The following CFDP1 variants were observed in gnomAD, a reference collection of about 807,000 sequenced individuals.
The protein encoded by CFDP1 is heterochromatin-stabilizing protein CFDP1.
CFDP1 carries 31 observed loss-of-function variants against 40.1 expected under a neutral mutation model. The observed-to-expected ratio is 0.77, with a 90% CI of 0.58 to 1.04. The LOEUF is 1.04. Ranked by LOEUF, CFDP1 falls within the 50% of genes least tolerant of loss-of-function variation. The pLI, the probability that CFDP1 is intolerant of heterozygous loss-of-function variation, is 0.00. For synonymous variants in CFDP1, 167 were observed against 120.0 expected, an observed-to-expected ratio of 1.39 and a Z score of -2.56; for missense variants, 423 against 343.4, an observed-to-expected ratio of 1.23 and a Z score of -1.83.
intron 1 of CFDP1, among the ~76,000 whole-genome samples, chr16:75,415,984 C>G (rs1462037027): frequency 6.6e-6 from 1 of 152,098 alleles, no homozygotes; most frequent in East Asian, 1.9e-4. Context: ...TCCTGAGTAG[C>G]TGACATTACA....
chr16:75,403,258 A>G (rs1363874353), intron 4 of CFDP1, among the ~76,000 whole-genome samples: 1 of 152,138 alleles, frequency 6.6e-6, no homozygotes, highest in East Asian at 1.9e-4. Flanking sequence ...TCACTCTGTC[A>G]CCCAGGCTGG....
intron 5 of CFDP1, among the ~76,000 whole-genome samples, chr16:75,388,379 T>C (rs991063621): frequency 3.3e-5 from 5 of 152,200 alleles, no homozygotes; most frequent in African/African-American, 1.2e-4. Flanking sequence ...GTATTTAATC[T>C]AGAGAACAAA....
chr16:75,415,639 G>A (rs1161760827), intron 1 of CFDP1, among the ~76,000 whole-genome samples: 2 of 152,130 alleles, frequency 1.3e-5, no homozygotes, highest in Non-Finnish European at 2.9e-5. Flanking sequence ...TCTGTGTCTG[G>A]CTTCTTTTAT....
chr16:75,357,222 C>A (rs1049012828), intron 5 of CFDP1, among the ~76,000 whole-genome samples: 3 of 151,642 alleles, frequency 2.0e-5, no homozygotes, highest in Admixed American at 2.0e-4. Context: ...CTGGAAACAG[C>A]TTCTTTCTTT....
chr16:75,378,870 T>C, intron 5 of CFDP1, among the ~76,000 whole-genome samples: 1 of 151,926 alleles, frequency 6.6e-6, no homozygotes, highest in East Asian at 1.9e-4. Context: ...TATCAACAAA[T>C]TTAAAAGAGT....
intron 4 of CFDP1, among the ~76,000 whole-genome samples, chr16:75,407,654 C>CA (rs11456525): frequency 0.5 from 57,756 of 116,428 alleles, 14,500 homozygotes; most frequent in Admixed American, 0.59. Context: ...GACCCTGTCT[C>CA]AAAAAAAAAA....
intron 6 of CFDP1, among the ~76,000 whole-genome samples, chr16:75,297,145 CTTGTGTGTGTGTGTGTGTGTCTGTGTGT>C (rs2078188091): frequency 7.2e-6 from 1 of 139,056 alleles, no homozygotes; most frequent in South Asian, 2.4e-4. Flanking sequence ...CTTCCCATTT[CTTGTGTGTGTGTGTGTGTGTCTGTGTGT>C]GTGTGTGTGT....
At chr16:75,384,231 C>A (rs1471263315) in intron 5 of CFDP1, among the ~76,000 whole-genome samples, 2 of 152,054 alleles carry the variant, frequency 1.3e-5, no homozygotes, top group African/African-American at 4.8e-5. Flanking sequence ...GTGGCACATG[C>A]CTGTAATCCC....
At chr16:75,307,342 A>T (rs914623669) in intron 5 of CFDP1, among the ~76,000 whole-genome samples, 1 of 151,696 alleles carries the variant, frequency 6.6e-6, no homozygotes, top group Admixed American at 6.6e-5. Context: ...CAGCCTCCCA[A>T]GTAGCTGGGA....
chr16:75,381,648 C>T (rs1456493929), intron 5 of CFDP1, among the ~76,000 whole-genome samples: 1 of 152,134 alleles, frequency 6.6e-6, no homozygotes, highest in Non-Finnish European at 1.5e-5. Flanking sequence ...CTTTGGCAAG[C>T]TACTGAATTT....
intron 4 of CFDP1, among the ~76,000 whole-genome samples, chr16:75,411,426 T>C (rs62062568): frequency 0.49 from 75,137 of 151,894 alleles, 20,090 homozygotes; most frequent in Admixed American, 0.63. Context: ...AAGAAAATAA[T>C]ATTGAAACCA....
chr16:75,300,582 T>G (rs2078215257), intron 6 of CFDP1, among the ~76,000 whole-genome samples: 1 of 152,178 alleles, frequency 6.6e-6, no homozygotes, highest in South Asian at 2.1e-4. Flanking sequence ...CCACCATGCC[T>G]GGCCCCAAGT....
At position 75,305,087 on chromosome 16, in the gene CFDP1, TC is replaced by T; in HGVS notation, c.745del (p.Glu249ArgfsTer46). ...STLEKSKLDWESFKEEEGIGE... is the reference protein window; with the variant it reads ...STLEKSKLDWXSFKEEEGIGE... ...AATCCCCTCTTCCTCCTTGAAGCTC[TC>T]CCAGTCCAGTTTGGACTTCTCAAGG... On this transcript the variant is annotated frameshift_variant, in exon 6 of 7. Coordinates refer to ENST00000283882, the MANE Select transcript of CFDP1 (RefSeq NM_006324.3). LOFTEE classifies it high-confidence loss of function. 3 of 1,614,190 alleles carry T rather than the reference TC, an allele frequency of 1.9e-6. No individual in the cohort carries two copies. The highest frequency in any genetic ancestry group is 2.5e-6 in the Non-Finnish European group (3 of 1,180,028).
At chr16:75,362,459 T>G (rs2151532606) in intron 5 of CFDP1, among the ~76,000 whole-genome samples, 1 of 152,382 alleles carries the variant, frequency 6.6e-6, no homozygotes, top group East Asian at 1.9e-4. Flanking sequence ...TCTCAACTTT[T>G]AATTTTACTT....
intron 5 of CFDP1, among the ~76,000 whole-genome samples, chr16:75,319,787 C>T (rs2078349344): frequency 6.6e-6 from 1 of 152,108 alleles, no homozygotes; most frequent in African/African-American, 2.4e-5. Context: ...TTTAAAGAGC[C>T]CTTAGGAAGC....
At chr16:75,301,820 C>G (rs1392501291) in intron 6 of CFDP1, 3 of 152,204 alleles carry the variant, frequency 2.0e-5, no homozygotes, top group Non-Finnish European at 4.4e-5. Flanking sequence ...TGGAAAATGT[C>G]ACCAGAGGAT....
chr16:75,320,997 T>C (rs1015406286), intron 5 of CFDP1, among the ~76,000 whole-genome samples: 3 of 152,162 alleles, frequency 2.0e-5, no homozygotes, highest in Non-Finnish European at 4.4e-5. Flanking sequence ...TTTTAAGAGA[T>C]GGGATCTTGC....
chr16:75,414,607 T>C lies in CFDP1; in HGVS notation c.153A>G (p.Lys51=). The C allele has an allele frequency of 6.2e-7, 1 of 1,613,938 alleles. No homozygotes were observed. Among genetic ancestry groups the C allele is most frequent in the Non-Finnish European group, 8.5e-7 (1 of 1,179,812 alleles). Reference sequence around the variant, plus strand: ...CTGGAATGCTCTGGGCCTTTCTTTTTTTCCCTTGGGTTTTCTGTGTCTGCT... The same window carrying C: ...CTGGAATGCTCTGGGCCTTTCTTTTCTTCCCTTGGGTTTTCTGTGTCTGCT... ...GEEQTQKTQG[K]KRKAQSIPAR... Residue 51 remains lysine (K), a synonymous_variant, in exon 2 of 7, where the codon AAA becomes AAG. Transcript: ENST00000283882.
chr16:75,433,444 G>C lies in CFDP1; in HGVS notation c.-92C>G. The C allele has an allele frequency of 2.3e-6, 3 of 1,310,960 alleles. No individual in the cohort carries two copies. Among genetic ancestry groups the C allele is most frequent in the Non-Finnish European group, 3.2e-6 (3 of 942,716 alleles). 81.2% of individuals were successfully genotyped at this position (1,310,960 alleles called of 1,614,324 possible). On this transcript the variant is annotated 5_prime_UTR_variant, in exon 1 of 7. Transcript: ENST00000283882. ...AGGGAGAGACCATAGAGCCCCGGCGGCGGCGACGGCAGCTAGGGCGGCCCC... is the reference window on the plus strand; with the variant it reads ...AGGGAGAGACCATAGAGCCCCGGCGCCGGCGACGGCAGCTAGGGCGGCCCC...
Sources: gnomAD v4.1 joint callset for allele counts (sites outside exome capture counted in the v4.1 genomes callset) on GRCh38, gnomAD v4.1.1 for gene constraint, MANE v1.5 for transcripts, NCBI Gene and HGNC (gene_info 2026-07-23, HGNC 2026-07-21) for gene names.